The following CDKAL1 variants were observed in gnomAD, a reference collection of about 807,000 sequenced individuals.
CDKAL1 encodes threonylcarbamoyladenosine tRNA methylthiotransferase.
In CDKAL1, 32 loss-of-function variants were observed where a neutral mutation model predicts 68.2. The observed-to-expected ratio is 0.47, with a 90% CI of 0.35 to 0.63. The LOEUF is 0.63. Ranked by LOEUF, CDKAL1 falls within the 30% of genes least tolerant of loss-of-function variation. CDKAL1 has a pLI of 0.00. For missense variants in CDKAL1, 606 were observed against 696.7 expected (o/e 0.87, Z 1.47); for synonymous variants, 234 against 244.3 (o/e 0.96, Z 0.39).
At chr6:21,010,786 A>G (rs546462480) in intron 11 of CDKAL1, among the ~76,000 whole-genome samples, 25 of 152,310 alleles carry the variant, frequency 1.6e-4, no homozygotes, top group African/African-American at 6.0e-4. Flanking sequence ...ATCTCAGATT[A>G]TTAAGATCTG....
At chr6:21,105,625 A>T (rs1186272682) in intron 12 of CDKAL1, among the ~76,000 whole-genome samples, 1 of 152,150 alleles carries the variant, frequency 6.6e-6, no homozygotes, top group Non-Finnish European at 1.5e-5. Context: ...GGCATTGGGG[A>T]GGTATGATAG....
chr6:20,827,428 T>C (rs1777544657), intron 8 of CDKAL1, among the ~76,000 whole-genome samples: 1 of 152,156 alleles, frequency 6.6e-6, no homozygotes. Context: ...TGTGTTACAA[T>C]TTTTTTAACA....
intron 6 of CDKAL1, among the ~76,000 whole-genome samples, chr6:20,752,238 A>G (rs1296550465): frequency 6.7e-6 from 1 of 149,474 alleles, no homozygotes. Context: ...AAGTACTTAC[A>G]TTTTTTTTTT....
chr6:20,661,892 A>G (rs979614), intron 5 of CDKAL1, among the ~76,000 whole-genome samples: 54,020 of 152,148 alleles, frequency 0.36, 10,904 homozygotes, highest in Middle Eastern at 0.47. Context: ...ATAATTAAAT[A>G]TATGTGTTGG....
At chr6:20,869,883 C>T (rs749102232) in intron 9 of CDKAL1, among the ~76,000 whole-genome samples, 3 of 151,956 alleles carry the variant, frequency 2.0e-5, no homozygotes, top group Non-Finnish European at 2.9e-5. Flanking sequence ...TAATTTATAA[C>T]GGGGTGCAGT....
chr6:20,784,021 TG>T (rs1476896136), intron 8 of CDKAL1, among the ~76,000 whole-genome samples: 1 of 152,096 alleles, frequency 6.6e-6, no homozygotes, highest in Non-Finnish European at 1.5e-5. Flanking sequence ...GAGACCATCC[TG>T]GCCAACAAGG....
At chr6:21,136,092 A>G (rs1443086261) in intron 13 of CDKAL1, among the ~76,000 whole-genome samples, 3 of 152,178 alleles carry the variant, frequency 2.0e-5, no homozygotes, top group South Asian at 2.1e-4. Context: ...CCAAAGGACA[A>G]CCAGACATGT....
chr6:21,222,085 GTAGA>G (rs1250569946), intron 15 of CDKAL1, among the ~76,000 whole-genome samples: 1 of 152,308 alleles, frequency 6.6e-6, no homozygotes, highest in East Asian at 1.9e-4. Context: ...TGATCATACA[GTAGA>G]TAGTTTAATA....
intron 4 of CDKAL1, among the ~76,000 whole-genome samples, chr6:20,642,740 G>T (rs992352647): frequency 6.6e-6 from 1 of 152,108 alleles, no homozygotes; most frequent in African/African-American, 2.4e-5. Context: ...TTTATCCTCT[G>T]ACCCCACATT....
intron 15 of CDKAL1, among the ~76,000 whole-genome samples, chr6:21,215,800 C>T (rs189031554): frequency 6.6e-6 from 1 of 152,248 alleles, no homozygotes; most frequent in African/African-American, 2.4e-5. Flanking sequence ...ATAATGCCCC[C>T]CACTTCACCC....
At position 20,584,288 on chromosome 6, in the gene CDKAL1, GA is replaced by G. The variant is rs1383390711; in HGVS notation, c.286+35584del. Among the ~76,000 whole-genome samples the G allele has an allele frequency of 2.0e-5, 3 of 152,132 alleles. No homozygotes were observed. In the East Asian group the frequency reaches 5.8e-4, roughly 29 times the overall value. On this transcript the variant is annotated intron_variant, in intron 4 of 15. Transcript: ENST00000274695. ...ACAGGAGTCCGGTTTGATCACAGTG[GA>G]TAGGGTACTCTACAGTGTGCTTAAA...
At chr6:20,804,301 A>G (rs2150410533) in intron 8 of CDKAL1, among the ~76,000 whole-genome samples, 1 of 152,364 alleles carries the variant, frequency 6.6e-6, no homozygotes, top group South Asian at 2.1e-4. Flanking sequence ...CAGAAAAGAA[A>G]CAATGGTAGT....
At chr6:20,631,348 G>A (rs74972124) in intron 4 of CDKAL1, among the ~76,000 whole-genome samples, 76 of 152,148 alleles carry the variant, frequency 5.0e-4, no homozygotes, top group Middle Eastern at 3.4e-3. Flanking sequence ...ATATATCACT[G>A]GTTAGGGATC....
chr6:20,573,550 A>G (rs1226936358), intron 4 of CDKAL1, among the ~76,000 whole-genome samples: 1 of 152,202 alleles, frequency 6.6e-6, no homozygotes, highest in Non-Finnish European at 1.5e-5. Flanking sequence ...AGTAGATGCC[A>G]TACTTTTACT....
At chr6:20,622,154 T>A (rs1475441451) in intron 4 of CDKAL1, among the ~76,000 whole-genome samples, 1 of 152,098 alleles carries the variant, frequency 6.6e-6, no homozygotes, top group East Asian at 1.9e-4. Flanking sequence ...ATTCTTTACC[T>A]TTTTCTTTTG....
intron 4 of CDKAL1, among the ~76,000 whole-genome samples, chr6:20,594,970 CT>C (rs1423377838): frequency 5.3e-5 from 8 of 152,144 alleles, no homozygotes; most frequent in Non-Finnish European, 1.2e-4. Flanking sequence ...GTTGAAAATT[CT>C]TTTCTTTAAG....
At chr6:20,828,597 G>C (rs911962508) in intron 8 of CDKAL1, among the ~76,000 whole-genome samples, 1 of 151,946 alleles carries the variant, frequency 6.6e-6, no homozygotes, top group African/African-American at 2.4e-5. Flanking sequence ...TTATCTTTAG[G>C]TAATTGGTGA....
At chr6:21,163,911 A>G (rs766478565) in intron 13 of CDKAL1, among the ~76,000 whole-genome samples, 3 of 150,414 alleles carry the variant, frequency 2.0e-5, no homozygotes, top group Non-Finnish European at 2.9e-5. Context: ...ACATCACACC[A>G]TTACACTCCA....
chr6:21,057,573 G>A (rs1770904596), intron 11 of CDKAL1, among the ~76,000 whole-genome samples: 1 of 151,478 alleles, frequency 6.6e-6, no homozygotes, highest in Non-Finnish European at 1.5e-5. Context: ...TTTGGGGTTT[G>A]TTTGCTCTTG....
Sources: allele counts gnomAD v4.1 joint callset (sites outside exome capture counted in the v4.1 genomes callset), GRCh38; gene constraint gnomAD v4.1.1; transcripts MANE v1.5; gene names NCBI Gene and HGNC (gene_info 2026-07-23, HGNC 2026-07-21).